Variants in RSPO2 observed in about 807,000 individuals in gnomAD.
The protein encoded by RSPO2 is R-spondin-2.
Under a neutral mutation model 30.9 loss-of-function variants are expected in RSPO2, and 14 were observed. The ratio of observed to expected loss-of-function variants is 0.45; its 90% CI spans 0.30 to 0.71. RSPO2 has a LOEUF of 0.71. Among genes scored for constraint, RSPO2 ranks in the 30% least tolerant of loss-of-function variants. The pLI, the probability that RSPO2 is intolerant of heterozygous loss-of-function variation, is 0.08. For missense variants in RSPO2, 264 were observed against 301.9 expected (o/e 0.87, Z 0.93); for synonymous variants, 107 against 96.4 (o/e 1.11, Z -0.64).
chr8:107,976,162 C>T (rs1015209993), intron 3 of RSPO2, among the ~76,000 whole-genome samples: 8 of 152,210 alleles, frequency 5.3e-5, no homozygotes, highest in Non-Finnish European at 1.5e-5. Context: ...AAGTGAAGAC[C>T]TACCTGCCTC....
intron 3 of RSPO2, among the ~76,000 whole-genome samples, chr8:107,962,052 G>A (rs1056162301): frequency 5.9e-5 from 9 of 152,158 alleles, no homozygotes; most frequent in Admixed American, 2.6e-4. Context: ...ATTATTACTT[G>A]TAACAGTTTT....
intron 5 of RSPO2, among the ~76,000 whole-genome samples, chr8:107,954,356 A>T (rs1388257582): frequency 6.6e-6 from 1 of 152,182 alleles, no homozygotes; most frequent in East Asian, 1.9e-4. Context: ...GATATTCCCT[A>T]ATGTACAACA....
At chr8:108,034,716 G>C (rs888036761) in intron 2 of RSPO2, among the ~76,000 whole-genome samples, 2 of 152,164 alleles carry the variant, frequency 1.3e-5, no homozygotes, top group Non-Finnish European at 2.9e-5. Context: ...GTCCACAGTA[G>C]CATCAAAATA....
rs572204016 is a variant in RSPO2, at chr8:107,985,096, A to G, written c.283+3960T>C. On this transcript the variant is annotated intron_variant, in intron 3 of 5. Transcript: ENST00000276659. ...TATAATGCCAATATTCAAGTGACAAATATGTGTTCAGCTTCATTTGTGTCA... is the reference window on the plus strand; with the variant it reads ...TATAATGCCAATATTCAAGTGACAAGTATGTGTTCAGCTTCATTTGTGTCA... Among the ~76,000 whole-genome samples the G allele has an allele frequency of 2.0e-5, 3 of 152,284 alleles. No individual in the cohort carries two copies. The South Asian group carries it at 6.2e-4, about 32-fold the overall frequency.
At chr8:107,996,912 C>T in intron 2 of RSPO2, 1 of 455,232 alleles carries the variant, frequency 2.2e-6, no homozygotes, top group South Asian at 1.6e-5. Flanking sequence ...GAATACTTAC[C>T]CAAGTCCATA....
chr8:107,971,890 T>TG (rs1216910194), intron 3 of RSPO2, among the ~76,000 whole-genome samples: 1 of 152,202 alleles, frequency 6.6e-6, no homozygotes, highest in African/African-American at 2.4e-5. Flanking sequence ...ACCTTAGTCA[T>TG]GCTCAGTTAT....
chr8:108,008,431 T>A (rs1054433576), intron 2 of RSPO2, among the ~76,000 whole-genome samples: 1 of 152,120 alleles, frequency 6.6e-6, no homozygotes, highest in African/African-American at 2.4e-5. Context: ...CCTCTGAGGA[T>A]TCAGCTCCAC....
chr8:107,967,863 C>T (rs1813860336), intron 3 of RSPO2, among the ~76,000 whole-genome samples: 1 of 152,116 alleles, frequency 6.6e-6, no homozygotes. Context: ...GGACCACTTA[C>T]TATTGTGTGA....
intron 5 of RSPO2, among the ~76,000 whole-genome samples, chr8:107,947,670 C>T (rs1813109273): frequency 6.6e-6 from 1 of 152,184 alleles, no homozygotes; most frequent in Admixed American, 6.5e-5. Flanking sequence ...TACAGTTGAT[C>T]CTCTTCCTAA....
At chr8:108,022,249 G>A (rs185055028) in intron 2 of RSPO2, among the ~76,000 whole-genome samples, 5 of 152,016 alleles carry the variant, frequency 3.3e-5, no homozygotes, top group South Asian at 2.1e-4. Context: ...ATCTCATAAC[G>A]TCTTTCTCTT....
chr8:107,964,737 T>C (rs1424802889), intron 3 of RSPO2, among the ~76,000 whole-genome samples: 1 of 152,176 alleles, frequency 6.6e-6, no homozygotes, highest in Non-Finnish European at 1.5e-5. Flanking sequence ...CTCATAGTCC[T>C]ATATTTTCTC....
intron 3 of RSPO2, among the ~76,000 whole-genome samples, chr8:107,962,607 T>G (rs1036004559): frequency 6.6e-6 from 1 of 152,168 alleles, no homozygotes; most frequent in Non-Finnish European, 1.5e-5. Flanking sequence ...AATAAAACCA[T>G]GGTCCATAGC....
At position 107,997,853 on chromosome 8, in the gene RSPO2, T is replaced by C. The variant is rs1433036333; in HGVS notation, c.95-8609A>G. On this transcript the variant is annotated intron_variant, in intron 2 of 5. Transcript: ENST00000276659. ...CACATTTATCTCATAGAGTATTTTATGTAGGTGTTGAATGCCCATGTGTTT... is the reference window on the plus strand; with the variant it reads ...CACATTTATCTCATAGAGTATTTTACGTAGGTGTTGAATGCCCATGTGTTT... 2.0e-5 allele frequency among the ~76,000 whole-genome samples: 3 copies of C among 152,230 alleles called. No individual in the cohort carries two copies. In the East Asian group the frequency reaches 5.8e-4, roughly 29 times the overall value.
At chr8:108,008,524 C>G (rs1045789524) in intron 2 of RSPO2, among the ~76,000 whole-genome samples, 10 of 152,118 alleles carry the variant, frequency 6.6e-5, no homozygotes, top group African/African-American at 2.4e-4. Flanking sequence ...GGAGAGGTTG[C>G]AATCCTCTTA....
At chr8:107,976,782 CA>C (rs1814229852) in intron 3 of RSPO2, among the ~76,000 whole-genome samples, 1 of 152,236 alleles carries the variant, frequency 6.6e-6, no homozygotes. Context: ...CTCCTGTCTA[CA>C]AACACTCCCC....
At chr8:108,022,149 G>T (rs927271320) in intron 2 of RSPO2, among the ~76,000 whole-genome samples, 1 of 152,052 alleles carries the variant, frequency 6.6e-6, no homozygotes, top group African/African-American at 2.4e-5. Flanking sequence ...TGCTACAAAA[G>T]TCCTATCAAG....
chr8:107,900,889 C>T lies in RSPO2; in HGVS notation c.*186G>A, dbSNP rs1206657132. ...GCACTTACTCCTGCCTTCACAGTCT[C>T]CAGATTCAAATCAAAGCATAAATAA... On this transcript the variant is annotated 3_prime_UTR_variant, in exon 6 of 6. Transcript: ENST00000276659. 3.4e-6 allele frequency: 2 copies of T among 591,594 alleles called. No homozygotes were observed. The highest frequency in any genetic ancestry group is 5.7e-6 in the Non-Finnish European group (2 of 348,392). 36.6% of individuals were successfully genotyped at this position (591,594 alleles called of 1,614,324 possible).
At chr8:108,063,160 T>C (rs557039462) in intron 2 of RSPO2, among the ~76,000 whole-genome samples, 41 of 151,828 alleles carry the variant, frequency 2.7e-4, no homozygotes, top group African/African-American at 9.5e-4. Flanking sequence ...CTATTCAAAA[T>C]AGTGTTGGAA....
At chr8:108,035,466 GTTTT>G (rs768483721) in intron 2 of RSPO2, among the ~76,000 whole-genome samples, 1 of 150,290 alleles carries the variant, frequency 6.7e-6, no homozygotes, top group Non-Finnish European at 1.5e-5. Flanking sequence ...TTGTTTGTTT[GTTTT>G]TGTTTTTGTT....
Sources: allele counts gnomAD v4.1 joint callset (sites outside exome capture counted in the v4.1 genomes callset), GRCh38; gene constraint gnomAD v4.1.1; transcripts MANE v1.5; gene names NCBI Gene and HGNC (gene_info 2026-07-23, HGNC 2026-07-21).